TAFA2: variants seen among roughly 807,000 people sequenced by gnomAD.
The protein encoded by TAFA2 is TAFA chemokine like family member 2, also known as chemokine-like protein TAFA-2.
Under a neutral mutation model 18.8 loss-of-function variants are expected in TAFA2, and 7 were observed. The ratio of observed to expected loss-of-function variants is 0.37; its 90% CI spans 0.21 to 0.70. TAFA2 has a LOEUF of 0.70. Ranked by LOEUF, TAFA2 falls within the 30% of genes least tolerant of loss-of-function variation. TAFA2 has a pLI of 0.53. For missense variants in TAFA2, 122 were observed against 158.1 expected (o/e 0.77, Z 1.23); for synonymous variants, 60 against 54.2 (o/e 1.11, Z -0.47).
At chr12:62,258,765 C>A in exon 1 of TAFA2, 1 of 375,184 alleles carries the variant, frequency 2.7e-6, no homozygotes. Context: ...GAACTTACAT[C>A]CATGTAGCTC....
At chr12:61,794,003 T>C (rs1871091137) in intron 2 of TAFA2, among the ~76,000 whole-genome samples, 1 of 151,948 alleles carries the variant, frequency 6.6e-6, no homozygotes, top group South Asian at 2.1e-4. Flanking sequence ...TATCTATTCA[T>C]GACTCTAAAA....
intron 1 of TAFA2, among the ~76,000 whole-genome samples, chr12:61,888,002 G>A (rs1875464125): frequency 6.6e-6 from 1 of 152,002 alleles, no homozygotes; most frequent in Admixed American, 6.6e-5. Context: ...CTGGCCATCA[G>A]AGAAATGCAA....
chr12:61,766,315 C>T (rs1357766184), intron 2 of TAFA2, among the ~76,000 whole-genome samples: 2 of 152,098 alleles, frequency 1.3e-5, no homozygotes, highest in Admixed American at 6.6e-5. Flanking sequence ...TCTAGCTTCA[C>T]TTTCCTGTGC....
At chr12:62,030,785 T>C (rs536256749) in intron 1 of TAFA2, among the ~76,000 whole-genome samples, 9 of 152,148 alleles carry the variant, frequency 5.9e-5, no homozygotes, top group Admixed American at 1.3e-4. Flanking sequence ...TTTGTTGTTG[T>C]TGTTGTTACT....
intron 2 of TAFA2, among the ~76,000 whole-genome samples, chr12:61,765,562 A>T (rs1179465171): frequency 6.6e-6 from 1 of 152,104 alleles, no homozygotes; most frequent in African/African-American, 2.4e-5. Flanking sequence ...AAGAGCAGAG[A>T]ACGGAAATAT....
chr12:62,131,051 C>G (rs550829203), intron 1 of TAFA2, among the ~76,000 whole-genome samples: 2 of 151,900 alleles, frequency 1.3e-5, no homozygotes, highest in Non-Finnish European at 2.9e-5. Context: ...CATGTTAAAA[C>G]TGAAAACCGC....
chr12:61,814,586 T>C (rs1222771059), intron 2 of TAFA2, among the ~76,000 whole-genome samples: 1 of 151,306 alleles, frequency 6.6e-6, no homozygotes, highest in Non-Finnish European at 1.5e-5. Context: ...CACAGAATAG[T>C]ACCCCTTGCC....
At chr12:62,185,173 G>A (rs1179679951) in intron 1 of TAFA2, among the ~76,000 whole-genome samples, 7 of 151,984 alleles carry the variant, frequency 4.6e-5, no homozygotes, top group Non-Finnish European at 1.0e-4. Context: ...ATCTTAGCAG[G>A]AAAAAAACTG....
chr12:61,951,140 G>C (rs1229210931), intron 1 of TAFA2, among the ~76,000 whole-genome samples: 1 of 152,052 alleles, frequency 6.6e-6, no homozygotes, highest in Admixed American at 6.6e-5. Context: ...CTAATAAAAA[G>C]AAAGTCAGAA....
chr12:61,899,674 G>T (rs533356445), intron 1 of TAFA2, among the ~76,000 whole-genome samples: 31 of 152,054 alleles, frequency 2.0e-4, no homozygotes, highest in Non-Finnish European at 4.1e-4. Flanking sequence ...TTCAAGATGA[G>T]ATTTGGGTGG....
chr12:62,230,237 C>T (rs2062806606), intron 1 of TAFA2, among the ~76,000 whole-genome samples: 1 of 150,250 alleles, frequency 6.7e-6, no homozygotes, highest in South Asian at 2.1e-4. Flanking sequence ...TTATTTCTTT[C>T]ATTCTACTAA....
intron 1 of TAFA2, among the ~76,000 whole-genome samples, chr12:62,135,644 T>C (rs1450349976): frequency 1.3e-5 from 2 of 152,084 alleles, no homozygotes; most frequent in East Asian, 1.9e-4. Flanking sequence ...AACAAGGAAA[T>C]AGGCTTTCTT....
intron 1 of TAFA2, among the ~76,000 whole-genome samples, chr12:62,185,393 G>T (rs949255057): frequency 6.6e-6 from 1 of 152,066 alleles, no homozygotes; most frequent in African/African-American, 2.4e-5. Flanking sequence ...AAGAACTAAA[G>T]TTAGAGCTAT....
intron 1 of TAFA2, among the ~76,000 whole-genome samples, chr12:61,976,442 G>T (rs1164129837): frequency 1.3e-5 from 2 of 151,804 alleles, no homozygotes; most frequent in South Asian, 4.1e-4. Context: ...ATTTTATAAT[G>T]AACTCTCCTA....
intron 1 of TAFA2, among the ~76,000 whole-genome samples, chr12:62,052,651 T>C (rs1012271322): frequency 6.6e-6 from 1 of 152,158 alleles, no homozygotes; most frequent in East Asian, 1.9e-4. Context: ...GTATACGCAA[T>C]TGACACCATT....
intron 1 of TAFA2, among the ~76,000 whole-genome samples, chr12:61,872,306 T>C (rs191790534): frequency 1.7e-3 from 256 of 152,290 alleles, no homozygotes; most frequent in African/African-American, 5.7e-3. Flanking sequence ...CATAAGGGAA[T>C]ATTTTTTTAA....
At chr12:62,200,066 C>T (rs2062664780) in intron 1 of TAFA2, among the ~76,000 whole-genome samples, 2 of 151,986 alleles carry the variant, frequency 1.3e-5, no homozygotes, top group Admixed American at 1.3e-4. Context: ...TGAGAAGTGT[C>T]TCTGTTCAAG....
chr12:61,766,536 T>C (rs1869798299), intron 2 of TAFA2, among the ~76,000 whole-genome samples: 1 of 152,124 alleles, frequency 6.6e-6, no homozygotes, highest in African/African-American at 2.4e-5. Flanking sequence ...TTCCCTGCTC[T>C]GATTAACAAT....
chr12:61,786,488 T>C (rs1870743988), intron 2 of TAFA2, among the ~76,000 whole-genome samples: 1 of 151,582 alleles, frequency 6.6e-6, no homozygotes, highest in African/African-American at 2.4e-5. Context: ...TGAAAATAAA[T>C]TTAAAAATTG....
Sources: allele counts gnomAD v4.1 joint callset (sites outside exome capture counted in the v4.1 genomes callset), GRCh38; gene constraint gnomAD v4.1.1; transcripts MANE v1.5; gene names NCBI Gene and HGNC (gene_info 2026-07-23, HGNC 2026-07-21).